FARP1: variants seen among roughly 807,000 people sequenced by gnomAD.
FARP1 encodes the protein FERM, ARHGEF and pleckstrin domain-containing protein 1.
Under a neutral mutation model 128.8 loss-of-function variants are expected in FARP1, and 52 were observed. The observed-to-expected ratio is 0.40, with a 90% CI of 0.32 to 0.51. The LOEUF is 0.51. Among genes scored for constraint, FARP1 ranks in the 20% least tolerant of loss-of-function variants. The pLI, the probability that FARP1 is intolerant of heterozygous loss-of-function variation, is 0.45. For missense variants in FARP1, 1,333 were observed against 1,367.9 expected (o/e 0.97, Z 0.40); for synonymous variants, 580 against 551.8 (o/e 1.05, Z -0.72).
intron 1 of FARP1, among the ~76,000 whole-genome samples, chr13:98,210,699 G>A (rs191787767): frequency 7.8e-4 from 118 of 152,026 alleles, no homozygotes; most frequent in African/African-American, 2.6e-3. Context: ...ACAGGCGCCC[G>A]CCACCACGCC....
At chr13:98,317,659 C>A (rs1395366656) in intron 2 of FARP1, among the ~76,000 whole-genome samples, 4 of 152,176 alleles carry the variant, frequency 2.6e-5, no homozygotes, top group Admixed American at 6.5e-5. Context: ...TGGCTCCATA[C>A]CACTTAGGTG....
intron 2 of FARP1, among the ~76,000 whole-genome samples, chr13:98,305,772 G>A (rs1886122485): frequency 6.6e-6 from 1 of 152,126 alleles, no homozygotes; most frequent in African/African-American, 2.4e-5. Flanking sequence ...CTCTCAAAGG[G>A]CCAGTGTTGA....
At chr13:98,223,498 T>A (rs1881556465) in intron 2 of FARP1, among the ~76,000 whole-genome samples, 1 of 152,126 alleles carries the variant, frequency 6.6e-6, no homozygotes. Flanking sequence ...CTAATTTTTG[T>A]ATTTTTTAGG....
At chr13:98,379,652 A>C (rs1889815919) in intron 6 of FARP1, among the ~76,000 whole-genome samples, 1 of 152,186 alleles carries the variant, frequency 6.6e-6, no homozygotes, top group African/African-American at 2.4e-5. Flanking sequence ...TCCCTGATAT[A>C]AAATGGTGTC....
At chr13:98,327,517 A>G (rs1291274236) in intron 2 of FARP1, among the ~76,000 whole-genome samples, 1 of 152,258 alleles carries the variant, frequency 6.6e-6, no homozygotes, top group Non-Finnish European at 1.5e-5. Context: ...TTAACAATGG[A>G]ATGTGCTAAA....
intron 2 of FARP1, among the ~76,000 whole-genome samples, chr13:98,297,587 T>G (rs1178106148): frequency 6.6e-6 from 1 of 152,204 alleles, no homozygotes; most frequent in Non-Finnish European, 1.5e-5. Flanking sequence ...CGTGTTTAAA[T>G]GAAATTATAA....
intron 3 of FARP1, among the ~76,000 whole-genome samples, chr13:98,349,713 A>C (rs1888334250): frequency 2.1e-5 from 3 of 144,372 alleles, no homozygotes; most frequent in African/African-American, 2.5e-5. Flanking sequence ...GACAATGCTT[A>C]CTGGCCTGAT....
At chr13:98,285,429 A>G (rs1594359087) in intron 2 of FARP1, among the ~76,000 whole-genome samples, 1 of 152,126 alleles carries the variant, frequency 6.6e-6, no homozygotes, top group Non-Finnish European at 1.5e-5. Flanking sequence ...TTCATCTCAA[A>G]GAGCCCCTGG....
intron 2 of FARP1, among the ~76,000 whole-genome samples, chr13:98,330,711 C>T (rs1414458920): frequency 9.2e-5 from 14 of 151,688 alleles, no homozygotes; most frequent in African/African-American, 2.9e-4. Context: ...GCCAAGATCA[C>T]GCCACTGCAC....
At chr13:98,244,641 T>C (rs761103652) in intron 2 of FARP1, 1 of 1,614,228 alleles carries the variant, frequency 6.2e-7, no homozygotes, top group East Asian at 2.2e-5. Context: ...CTCTATTTCT[T>C]ACACAAACTG....
At chr13:98,185,939 C>A (rs1342464122) in intron 1 of FARP1, among the ~76,000 whole-genome samples, 1 of 152,130 alleles carries the variant, frequency 6.6e-6, no homozygotes, top group African/African-American at 2.4e-5. Context: ...CTCAGGTGAT[C>A]CGCCTGCCTC....
chr13:98,359,069 A>G (rs1376427678), intron 3 of FARP1, among the ~76,000 whole-genome samples: 1 of 152,148 alleles, frequency 6.6e-6, no homozygotes, highest in Non-Finnish European at 1.5e-5. Context: ...TGTTTTTGTC[A>G]TATGCTGTTT....
At chr13:98,354,888 C>T (rs1016221725) in intron 3 of FARP1, among the ~76,000 whole-genome samples, 1 of 152,108 alleles carries the variant, frequency 6.6e-6, no homozygotes, top group East Asian at 1.9e-4. Context: ...TGAAACATAG[C>T]TAGTGCAAAT....
chr13:98,305,603 G>A (rs1886111232), intron 2 of FARP1, among the ~76,000 whole-genome samples: 1 of 152,194 alleles, frequency 6.6e-6, no homozygotes, highest in South Asian at 2.1e-4. Flanking sequence ...CAAAGTGTTG[G>A]AATTACAGGC....
At chr13:98,173,672 A>G (rs1037955635) in intron 1 of FARP1, among the ~76,000 whole-genome samples, 3 of 152,248 alleles carry the variant, frequency 2.0e-5, no homozygotes, top group Middle Eastern at 3.2e-3. Context: ...GTGTGCCTTC[A>G]GTGAACAGAA....
Position 98,265,017 on chromosome 13 carries a change from A to C in FARP1, c.171+51604A>C, listed in dbSNP as rs1202259465. Among the ~76,000 whole-genome samples the C allele has an allele frequency of 5.9e-5, 9 of 152,310 alleles. No individual in the cohort carries two copies. The East Asian group carries it at 1.7e-3, about 29-fold the overall frequency. The stretch of plus-strand genomic sequence containing the variant: ...ATGGTACTCAGCCAGGCTTTGGGCC[A>C]TTAAAGGCAAGATCCTGGTCTTAGT... On this transcript the variant is annotated intron_variant, in intron 2 of 26. Coordinates refer to ENST00000319562, the MANE Select transcript of FARP1 (RefSeq NM_005766.4).
At chr13:98,250,323 T>G (rs9556918) in intron 2 of FARP1, among the ~76,000 whole-genome samples, 56,340 of 152,074 alleles carry the variant, frequency 0.37, 10,877 homozygotes, top group East Asian at 0.6. Flanking sequence ...CTTTTGGGTT[T>G]GTACATGATT....
chr13:98,166,489 G>A (rs144048352), intron 1 of FARP1, among the ~76,000 whole-genome samples: 60 of 152,318 alleles, frequency 3.9e-4, no homozygotes, highest in Middle Eastern at 3.4e-3. Flanking sequence ...CTGTAGGGGA[G>A]AGGTATTATT....
intron 1 of FARP1, among the ~76,000 whole-genome samples, chr13:98,172,370 G>A (rs1239716922): frequency 6.6e-6 from 1 of 152,068 alleles, no homozygotes; most frequent in Non-Finnish European, 1.5e-5. Flanking sequence ...GTCTCCGGCA[G>A]TGCCACTGAG....
Sources: gnomAD v4.1 joint callset for allele counts (sites outside exome capture counted in the v4.1 genomes callset) on GRCh38, gnomAD v4.1.1 for gene constraint, MANE v1.5 for transcripts, NCBI Gene and HGNC (gene_info 2026-07-23, HGNC 2026-07-21) for gene names.